TASOR: variants seen among roughly 807,000 people sequenced by gnomAD.
TASOR encodes protein TASOR.
A neutral mutation model predicts 178.6 loss-of-function variants in TASOR; 53 were observed. That is an observed-to-expected ratio of 0.30 (90% CI 0.24 to 0.37). TASOR has a LOEUF of 0.37. Ranked by LOEUF, TASOR falls within the 10% of genes least tolerant of loss-of-function variation. TASOR has a pLI of 1.00. For missense variants in TASOR, 1,815 were observed against 1,971.4 expected, an observed-to-expected ratio of 0.92 and a Z score of 1.50; for synonymous variants, 713 against 696.2, an observed-to-expected ratio of 1.02 and a Z score of -0.38.
Position 56,670,082 on chromosome 3 carries a change from G to A in TASOR, c.634C>T (p.Pro212Ser). The part of the protein sequence containing the change: ...GQSKITILGS[P>S]SMGVYLSRYA... ...AAAGAAAAAAGATTACCCATGGAAGGACTGCCAAGAATTGTTATTTTGGAC... is the reference window on the plus strand; with the variant it reads ...AAAGAAAAAAGATTACCCATGGAAGAACTGCCAAGAATTGTTATTTTGGAC... Residue 212 changes from proline to serine, a missense_variant, in exon 4 of 24, where the codon CCT (proline) becomes TCT (serine). Pro to Ser is a moderately conservative substitution (Grantham distance 74). Coordinates refer to ENST00000683822, the MANE Select transcript of TASOR (RefSeq NM_001365635.2). The A allele has an allele frequency of 6.5e-7, 1 of 1,535,942 alleles. No individual in the cohort carries two copies. Among genetic ancestry groups the A allele is most frequent in the Non-Finnish European group, 8.8e-7 (1 of 1,139,426 alleles).
Position 56,670,153 on chromosome 3 carries a change from T to TAA in TASOR, c.571-10_571-9dup. The TAA allele has an allele frequency of 6.9e-7, 1 of 1,445,252 alleles. No individual in the cohort carries two copies. Among genetic ancestry groups the TAA allele is most frequent in the Non-Finnish European group, 9.3e-7 (1 of 1,077,026 alleles). The allele number at this position is 1,445,252 out of a possible 1,614,324, so 89.5% of individuals were successfully genotyped here. A position where few individuals can be genotyped will look rare whatever the true frequency, so the allele number is the denominator to read the frequency against. On this transcript the variant is annotated splice_polypyrimidine_tract_variant and intron_variant, in intron 3 of 23. Transcript: ENST00000683822. The stretch of plus-strand genomic sequence containing the variant: ...TTCACATATGGTTTGAACCTAAATT[T>TAA]AAAAAAAAATACTTCATCTTGCAGT...
intron 17 of TASOR, 31 bp downstream of exon 17, chr3:56,638,675 C>T: frequency 6.2e-7 from 1 of 1,613,036 alleles, no homozygotes; most frequent in Non-Finnish European, 8.5e-7. Context: ...GAAGGGCACA[C>T]TGGGAAGAAA....
At chr3:56,651,337 T>G (rs2077347524) in intron 11 of TASOR, among the ~76,000 whole-genome samples, 1 of 152,082 alleles carries the variant, frequency 6.6e-6, no homozygotes, top group Non-Finnish European at 1.5e-5. Context: ...ATTTTAAATT[T>G]CCAGATAACA....
In TASOR at chr3:56,654,272, A is replaced by T. The variant is rs1302362124; in HGVS notation, c.1369-5215T>A. Among the ~76,000 whole-genome samples, 3 of 152,044 alleles carry T rather than the reference A, an allele frequency of 2.0e-5. No individual in the cohort carries two copies. The East Asian group carries it at 5.8e-4, about 29-fold the overall frequency. On this transcript the variant is annotated intron_variant, in intron 11 of 23. Transcript: ENST00000683822. ...ACAAGAGCGAAACTCTGTCTCAAAA[A>T]AAAAAGGCAGAGATGGTATAAGAAA...
chr3:56,632,835 G>T (rs1002596410), intron 18 of TASOR, among the ~76,000 whole-genome samples: 13 of 151,986 alleles, frequency 8.6e-5, no homozygotes, highest in African/African-American at 2.9e-4. Context: ...ACAATGTCTT[G>T]TTATGTTGCC....
intron 9 of TASOR, among the ~76,000 whole-genome samples, chr3:56,661,384 G>A (rs908120172): frequency 1.4e-4 from 21 of 152,130 alleles, no homozygotes; most frequent in Admixed American, 9.2e-4. Flanking sequence ...TCAAATTCCC[G>A]GTCTCAAGTG....
chr3:56,626,932 C>G, intron 21 of TASOR, 105 bp downstream of exon 21: 2 of 664,600 alleles, frequency 3.0e-6, no homozygotes, highest in Non-Finnish European at 5.1e-6. Flanking sequence ...CTATGGACAT[C>G]TGTGAAAAAT....
chr3:56,639,141 C>T lies in TASOR; in HGVS notation c.2765-376G>A, dbSNP rs544734346. On this transcript the variant is annotated intron_variant, in intron 16 of 23. Coordinates refer to ENST00000683822, the MANE Select transcript of TASOR (RefSeq NM_001365635.2). ...AAGATGGTGCTAAAGCCCATGGGAA[C>T]TCATCAAGTTTTATAAATTCTTCTC... 2.0e-5 allele frequency among the ~76,000 whole-genome samples: 3 copies of T among 152,288 alleles called. No homozygotes were observed. In the South Asian group the frequency reaches 6.2e-4, roughly 32 times the overall value.
intron 17 of TASOR, among the ~76,000 whole-genome samples, chr3:56,634,453 A>G (rs2076977040): frequency 6.6e-6 from 1 of 152,222 alleles, no homozygotes. Flanking sequence ...CCAAGTTAAA[A>G]GTTGCATCTA....
At chr3:56,679,857 T>C (rs1159017500) in intron 1 of TASOR, among the ~76,000 whole-genome samples, 1 of 152,164 alleles carries the variant, frequency 6.6e-6, no homozygotes. Flanking sequence ...TATAATTTGG[T>C]TAAATGTAAG....
chr3:56,644,872 A>G (rs1457678388), intron 14 of TASOR, among the ~76,000 whole-genome samples: 3 of 152,260 alleles, frequency 2.0e-5, no homozygotes, highest in African/African-American at 7.2e-5. Context: ...CTGTACTAAT[A>G]CAATGGTGTG....
chr3:56,667,313 T>C (rs982604664), intron 6 of TASOR, among the ~76,000 whole-genome samples: 1 of 152,210 alleles, frequency 6.6e-6, no homozygotes, highest in Non-Finnish European at 1.5e-5. Flanking sequence ...ACATTACTAC[T>C]TTTCACAAGC....
intron 2 of TASOR, 68 bp from the exon 3 acceptor site, chr3:56,671,760 T>G: frequency 7.9e-7 from 1 of 1,266,044 alleles, no homozygotes; most frequent in South Asian, 1.4e-5. Context: ...CAAGTTTTAT[T>G]TTTTTTTCCA....
chr3:56,648,254 T>C (rs2077276802), intron 13 of TASOR, among the ~76,000 whole-genome samples: 1 of 152,020 alleles, frequency 6.6e-6, no homozygotes, highest in African/African-American at 2.4e-5. Flanking sequence ...GTAACCATCA[T>C]AACTAAGCTA....
At chr3:56,637,627 G>GA (rs1264549292) in intron 17 of TASOR, among the ~76,000 whole-genome samples, 3 of 150,874 alleles carry the variant, frequency 2.0e-5, no homozygotes, top group African/African-American at 7.3e-5. Flanking sequence ...AGATGGTGAA[G>GA]ATTTTCTTCA....
At position 56,644,296 on chromosome 3, in the gene TASOR, T is replaced by C. The variant is rs557665832; in HGVS notation, c.2215+2226A>G. Among the ~76,000 whole-genome samples the C allele has an allele frequency of 2.0e-5, 3 of 152,152 alleles. No individual in the cohort carries two copies. The East Asian group carries it at 5.8e-4, about 29-fold the overall frequency. On this transcript the variant is annotated intron_variant, in intron 14 of 23. Transcript: ENST00000683822. ...TCATATACATAAAGTACCTAGCACA[T>C]AGTAAACAGAGCTCTCAAGACATGT...
At chr3:56,678,177 ATTTTTTTTT>A (rs533306611) in intron 1 of TASOR, among the ~76,000 whole-genome samples, 2 of 107,004 alleles carry the variant, frequency 1.9e-5, no homozygotes, top group African/African-American at 7.3e-5. Context: ...CACACTTATG[ATTTTTTTTT>A]TTTTTTTTTT....
rs769219435 is a variant in TASOR at position 56,621,515 on chromosome 3, T to TA, written c.*1521dup. On this transcript the variant is annotated 3_prime_UTR_variant, in exon 24 of 24. Transcript: ENST00000683822. ...TGTGCACATTTTACTAACAAACATA[T>TA]ATCAATGTGATTTCAGGGCCTTCTC... 24 of 1,537,064 alleles carry TA rather than the reference T, an allele frequency of 1.6e-5. No individual in the cohort carries two copies. Among genetic ancestry groups the TA allele is most frequent in the Non-Finnish European group, 2.1e-5 (24 of 1,127,642 alleles).
chr3:56,653,480 AG>A (rs1327866433), intron 11 of TASOR, among the ~76,000 whole-genome samples: 1 of 151,736 alleles, frequency 6.6e-6, no homozygotes, highest in Non-Finnish European at 1.5e-5. Context: ...AAAAGTAGCC[AG>A]GGGGCGGCAG....
Sources: gnomAD v4.1 joint callset for allele counts (sites outside exome capture counted in the v4.1 genomes callset) on GRCh38, gnomAD v4.1.1 for gene constraint, MANE v1.5 for transcripts, NCBI Gene and HGNC (gene_info 2026-07-23, HGNC 2026-07-21) for gene names.